Variants in GPR158 observed in about 807,000 individuals in gnomAD.
The protein encoded by GPR158 is metabotropic glycine receptor.
GPR158 carries 30 observed loss-of-function variants against 78.2 expected under a neutral mutation model. The observed-to-expected ratio is 0.38, with a 90% CI of 0.29 to 0.52. The LOEUF is 0.52. Ranked by LOEUF, GPR158 falls within the 20% of genes least tolerant of loss-of-function variation. The pLI is 0.83. For synonymous variants in GPR158, 581 were observed against 591.1 expected (o/e 0.98, Z 0.25); for missense variants, 1,463 against 1,523.5 (o/e 0.96, Z 0.66).
intron 5 of GPR158, among the ~76,000 whole-genome samples, chr10:25,511,534 A>C (rs940887191): frequency 6.6e-6 from 1 of 152,046 alleles, no homozygotes; most frequent in Admixed American, 6.6e-5. Flanking sequence ...ATGCAGAAGC[A>C]CTTTAGTTTA....
intron 5 of GPR158, among the ~76,000 whole-genome samples, chr10:25,469,149 C>A (rs1835460782): frequency 6.6e-6 from 1 of 152,174 alleles, no homozygotes; most frequent in South Asian, 2.1e-4. Context: ...TGCCTCAGGA[C>A]TGAGTTCTTG....
intron 5 of GPR158, among the ~76,000 whole-genome samples, chr10:25,495,611 G>A (rs1480278841): frequency 6.6e-6 from 1 of 151,582 alleles, no homozygotes; most frequent in East Asian, 1.9e-4. Flanking sequence ...TTTTAATGTT[G>A]TATGCTACCA....
rs539313236 is a variant in GPR158, at chr10:25,356,646, C to T, written c.1009-39265C>T. Among the ~76,000 whole-genome samples, 32 of 152,190 alleles carry T rather than the reference C, an allele frequency of 2.1e-4. No homozygotes were observed. The South Asian group carries it at 6.4e-3, about 31-fold the overall frequency. On this transcript the variant is annotated intron_variant, in intron 2 of 10. Transcript: ENST00000376351. ...AGCTCCTTTTGCATGCTGCTGTGCA[C>T]ATAAGATGTGACTTGCTCATCCTTG...
chr10:25,178,540 C>G (rs948246559), intron 1 of GPR158, among the ~76,000 whole-genome samples: 1 of 152,188 alleles, frequency 6.6e-6, no homozygotes, highest in Non-Finnish European at 1.5e-5. Context: ...CTCAGACACT[C>G]CCTGTTTTTT....
intron 1 of GPR158, among the ~76,000 whole-genome samples, chr10:25,210,918 G>C (rs1468874445): frequency 6.6e-6 from 1 of 152,104 alleles, no homozygotes; most frequent in Non-Finnish European, 1.5e-5. Flanking sequence ...TGGATCACGA[G>C]GTCAGGAGAT....
chr10:25,407,036 A>G (rs1307646498), intron 3 of GPR158, among the ~76,000 whole-genome samples: 2 of 152,170 alleles, frequency 1.3e-5, no homozygotes, highest in African/African-American at 2.4e-5. Context: ...TTAAGGTTCA[A>G]AATAATTTAG....
chr10:25,309,215 C>CTGTGTGTGTGTG (rs111485518), intron 2 of GPR158, among the ~76,000 whole-genome samples: 4 of 150,458 alleles, frequency 2.7e-5, no homozygotes, highest in Admixed American at 6.6e-5. Flanking sequence ...TTGTTATTTT[C>CTGTGTGTGTGTG]TGTGTGTGTG....
intron 4 of GPR158, among the ~76,000 whole-genome samples, chr10:25,450,576 C>A (rs565851854): frequency 2.0e-5 from 3 of 151,982 alleles, no homozygotes; most frequent in African/African-American, 7.3e-5. Flanking sequence ...GTATGCCAGA[C>A]CCTAGAGACA....
rs936922456 is a variant in GPR158, at chr10:25,600,324, C to A, written c.*1050C>A. 9.8e-5 allele frequency: 15 copies of A among 152,466 alleles called. No homozygotes were observed. The highest frequency in any genetic ancestry group is 1.9e-4 in the Non-Finnish European group (13 of 68,004). The allele number at this position is 152,466 out of a possible 1,614,324, so 9.4% of individuals were successfully genotyped here. On this transcript the variant is annotated 3_prime_UTR_variant, in exon 11 of 11. Coordinates refer to ENST00000376351, the MANE Select transcript of GPR158 (RefSeq NM_020752.3). ...TTAGCAGCATTTCCAAAGGAAGAAG[C>A]TAAGAGTGAGAAAAATATACCGTGC...
At chr10:25,411,731 C>T (rs1182337712) in intron 3 of GPR158, among the ~76,000 whole-genome samples, 2 of 151,842 alleles carry the variant, frequency 1.3e-5, no homozygotes, top group African/African-American at 2.4e-5. Flanking sequence ...GTCCGGAGAT[C>T]GAGACCATTC....
At chr10:25,258,357 G>A (rs554639485) in intron 2 of GPR158, among the ~76,000 whole-genome samples, 30 of 152,196 alleles carry the variant, frequency 2.0e-4, no homozygotes, top group African/African-American at 4.1e-4. Flanking sequence ...TTAATCTGAC[G>A]TAAATATCTT....
chr10:25,187,063 C>A (rs1334703889), intron 1 of GPR158, among the ~76,000 whole-genome samples: 1 of 148,742 alleles, frequency 6.7e-6, no homozygotes, highest in Admixed American at 6.8e-5. Context: ...CTCCCGAGTT[C>A]ATGCCATTTT....
At chr10:25,530,957 C>G (rs1836415557) in intron 5 of GPR158, among the ~76,000 whole-genome samples, 1 of 152,194 alleles carries the variant, frequency 6.6e-6, no homozygotes, top group African/African-American at 2.4e-5. Context: ...CTTACCCATT[C>G]TGTGCCTCTT....
intron 2 of GPR158, among the ~76,000 whole-genome samples, chr10:25,283,611 T>G (rs1205659924): frequency 2.6e-5 from 4 of 151,950 alleles, no homozygotes; most frequent in Admixed American, 1.3e-4. Context: ...TTTTTCCAAT[T>G]TCATTGATTT....
chr10:25,187,131 T>C (rs1350398657), intron 1 of GPR158, among the ~76,000 whole-genome samples: 2 of 151,340 alleles, frequency 1.3e-5, no homozygotes, highest in African/African-American at 4.9e-5. Context: ...CGCCCGGCTA[T>C]TTTTTTTGTA....
intron 3 of GPR158, among the ~76,000 whole-genome samples, chr10:25,401,664 T>C (rs1284006378): frequency 3.9e-5 from 6 of 152,056 alleles, no homozygotes. Flanking sequence ...AGAGACTTAT[T>C]TATATTAACA....
chr10:25,402,445 A>G (rs1039848546), intron 3 of GPR158, among the ~76,000 whole-genome samples: 1 of 152,094 alleles, frequency 6.6e-6, no homozygotes, highest in African/African-American at 2.4e-5. Context: ...ATTAGATGAT[A>G]ATATTGTATC....
chr10:25,340,105 G>GA (rs950712474), intron 2 of GPR158, among the ~76,000 whole-genome samples: 62 of 151,466 alleles, frequency 4.1e-4, no homozygotes, highest in Non-Finnish European at 6.8e-4. Context: ...GTCTTCAAGG[G>GA]AAAAAAAAAT....
chr10:25,401,777 T>C (rs748430808), intron 3 of GPR158, among the ~76,000 whole-genome samples: 2 of 152,098 alleles, frequency 1.3e-5, no homozygotes, highest in African/African-American at 2.4e-5. Flanking sequence ...ACCAACATAA[T>C]AGTGACAATT....
Sources: gnomAD v4.1 joint callset for allele counts (sites outside exome capture counted in the v4.1 genomes callset) on GRCh38, gnomAD v4.1.1 for gene constraint, MANE v1.5 for transcripts, NCBI Gene and HGNC (gene_info 2026-07-23, HGNC 2026-07-21) for gene names.